The following DERL1 variants were observed in gnomAD, a reference collection of about 807,000 sequenced individuals.
DERL1 encodes derlin 1, also known as derlin-1.
Under a neutral mutation model 41.6 loss-of-function variants are expected in DERL1, and 24 were observed. That is an observed-to-expected ratio of 0.58 (90% confidence interval 0.42 to 0.81). The LOEUF is 0.81. Among genes scored for constraint, DERL1 ranks in the 30% least tolerant of loss-of-function variants. DERL1 has a pLI of 0.00. For synonymous variants in DERL1, 124 were observed against 112.5 expected (o/e 1.10, Z -0.65); for missense variants, 260 against 314.3 (o/e 0.83, Z 1.31).
In DERL1 at chr8:123,042,265, G is replaced by A; in HGVS notation, c.-143C>T. Reference sequence around the variant, plus strand: ...ATGCAGAAGGCGGAGACGGGCGGACGTGGCGCCACCGAATTCGGACCAGCG... The same window carrying A: ...ATGCAGAAGGCGGAGACGGGCGGACATGGCGCCACCGAATTCGGACCAGCG... On this transcript the variant is annotated 5_prime_UTR_variant, in exon 1 of 8. In the 5' UTR this introduces an upstream ATG that the reference lacks. Coordinates refer to ENST00000259512, the MANE Select transcript of DERL1 (RefSeq NM_024295.6). 1 of 1,152,118 alleles carries A rather than the reference G, an allele frequency of 8.7e-7. No individual in the cohort carries two copies. Among genetic ancestry groups the A allele is most frequent in the Non-Finnish European group, 1.2e-6 (1 of 864,236 alleles). The allele number at this position is 1,152,118 out of a possible 1,614,324, so 71.4% of individuals were successfully genotyped here.
At chr8:123,017,380 T>G (rs1814603912) in intron 7 of DERL1, 1 of 152,134 alleles carries the variant, frequency 6.6e-6, no homozygotes, top group Non-Finnish European at 1.5e-5. Context: ...AAGTACATAA[T>G]AAAATAGAAC....
intron 1 of DERL1, among the ~76,000 whole-genome samples, chr8:123,036,102 C>A (rs985002452): frequency 6.6e-6 from 1 of 151,948 alleles, no homozygotes; most frequent in Non-Finnish European, 1.5e-5. Flanking sequence ...CAATTAGAAG[C>A]CATCAAATCT....
At position 123,042,029 on chromosome 8, in the gene DERL1, CGA is replaced by C. The variant is rs1191854193; in HGVS notation, c.92_93del (p.Leu31ArgfsTer56). The stretch of plus-strand genomic sequence containing the variant: ...AAGAGGTAGGCCGGGCTGATGAGGC[CGA>C]GTTTGCCGACCAAGGGCACGGCGAC... The part of the protein sequence containing the change: ...ATVAVPLVGK[L>X]GLISPAYLFL... On this transcript the variant is annotated frameshift_variant, in exon 1 of 8. Coordinates refer to ENST00000259512, the MANE Select transcript of DERL1 (RefSeq NM_024295.6). LOFTEE classifies it high-confidence loss of function. The C allele has an allele frequency of 2.5e-6, 4 of 1,613,924 alleles. No homozygotes were observed. Among genetic ancestry groups the C allele is most frequent in the Admixed American group, 3.3e-5 (2 of 60,008 alleles).
In DERL1 at chr8:123,037,231, C is replaced by T. The variant is rs187448431; in HGVS notation, c.153+4739G>A. ...CAGGCTACTTATTGGGTATTACAAACATTTTTCTATGTGTTCTACATACTA... is the reference window on the plus strand; with the variant it reads ...CAGGCTACTTATTGGGTATTACAAATATTTTTCTATGTGTTCTACATACTA... On this transcript the variant is annotated intron_variant, in intron 1 of 7. Coordinates refer to ENST00000259512, the MANE Select transcript of DERL1 (RefSeq NM_024295.6). Among the ~76,000 whole-genome samples the T allele has an allele frequency of 2.0e-5, 3 of 152,256 alleles. No homozygotes were observed. The East Asian group carries it at 5.8e-4, about 29-fold the overall frequency.
Position 123,015,513 on chromosome 8 carries a change from A to T in DERL1, c.690T>A (p.Ala230=). The change falls in exon 8 of 8, where the codon GCT becomes GCA. Residue 230 remains alanine (A), a synonymous_variant. Coordinates refer to ENST00000259512, the MANE Select transcript of DERL1 (RefSeq NM_024295.6). ...TCCCGCCTCCGCCATTCTGATCAGC[A>T]GCTCGCCTCATGCTAGCAGGGGGCA... is the stretch of plus-strand genomic sequence containing the variant. ...FGVPPASMRR[A]ADQNGGGGRH... is the part of the protein sequence containing the mutation. The T allele has an allele frequency of 6.2e-7, 1 of 1,613,334 alleles. No homozygotes were observed. Among genetic ancestry groups the T allele is most frequent in the Non-Finnish European group, 8.5e-7 (1 of 1,179,720 alleles).
At chr8:123,032,341 C>T (rs185708508) in intron 1 of DERL1, among the ~76,000 whole-genome samples, 1 of 152,074 alleles carries the variant, frequency 6.6e-6, no homozygotes, top group Non-Finnish European at 1.5e-5. Context: ...CCTGATGTTG[C>T]CCAGGCTGGT....
intron 1 of DERL1, among the ~76,000 whole-genome samples, chr8:123,037,502 C>A (rs192739882): frequency 6.6e-6 from 1 of 152,248 alleles, no homozygotes; most frequent in Non-Finnish European, 1.5e-5. Context: ...AATAACTTGC[C>A]TAAGGGTACA....
At chr8:123,020,993 T>A (rs1489123960) in intron 6 of DERL1, among the ~76,000 whole-genome samples, 1 of 150,840 alleles carries the variant, frequency 6.6e-6, no homozygotes, top group Non-Finnish European at 1.5e-5. Context: ...AAGTTCTGTA[T>A]CATCAAACCA....
At chr8:123,037,936 G>A (rs982390621) in intron 1 of DERL1, among the ~76,000 whole-genome samples, 4 of 152,184 alleles carry the variant, frequency 2.6e-5, no homozygotes, top group African/African-American at 9.7e-5. Flanking sequence ...CTCTTGTGTA[G>A]TTAATCAACG....
intron 1 of DERL1, among the ~76,000 whole-genome samples, chr8:123,034,939 A>G (rs1812893281): frequency 1.3e-5 from 2 of 152,226 alleles, no homozygotes; most frequent in Non-Finnish European, 2.9e-5. Context: ...GGAATTAAGA[A>G]AGTGAATTAA....
chr8:123,021,779 C>G (rs183331093), intron 5 of DERL1, among the ~76,000 whole-genome samples: 1 of 152,172 alleles, frequency 6.6e-6, no homozygotes, highest in Non-Finnish European at 1.5e-5. Context: ...TATAAACAGA[C>G]AGCTTCAAAA....
intron 2 of DERL1, among the ~76,000 whole-genome samples, chr8:123,026,092 A>C (rs1452897387): frequency 6.6e-6 from 1 of 152,234 alleles, no homozygotes; most frequent in Non-Finnish European, 1.5e-5. Context: ...TCAATTTAAA[A>C]AAAGAAACCC....
chr8:123,037,897 G>T (rs1812961672), intron 1 of DERL1, among the ~76,000 whole-genome samples: 1 of 152,130 alleles, frequency 6.6e-6, no homozygotes, highest in African/African-American at 2.4e-5. Context: ...CATAACCTTA[G>T]AAAACACAAA....
At chr8:123,035,715 T>C (rs1390025774) in intron 1 of DERL1, among the ~76,000 whole-genome samples, 1 of 152,230 alleles carries the variant, frequency 6.6e-6, no homozygotes, top group Non-Finnish European at 1.5e-5. Context: ...TGCTCACTGC[T>C]ATATACACCC....
In DERL1 at chr8:123,038,511, A is replaced by G. The variant is rs554651195; in HGVS notation, c.153+3459T>C. The stretch of plus-strand genomic sequence containing the variant: ...GAAGAAATAATACAGGGAAGATGAC[A>G]AAATTGTGGAAGATGTGACAAGAAC... On this transcript the variant is annotated intron_variant, in intron 1 of 7. Transcript: ENST00000259512. Among the ~76,000 whole-genome samples the G allele has an allele frequency of 5.9e-5, 9 of 152,368 alleles. No individual in the cohort carries two copies. In the East Asian group the frequency reaches 1.3e-3, roughly 23 times the overall value.
At chr8:123,030,436 A>C (rs1812797532) in intron 2 of DERL1, 169 bp downstream of exon 2, 1 of 520,152 alleles carries the variant, frequency 1.9e-6, no homozygotes, top group Non-Finnish European at 3.4e-6. Flanking sequence ...AGGATTAAAA[A>C]TTGAGTAAGC....
At chr8:123,030,462 G>A (rs964200844) in intron 2 of DERL1, 143 bp downstream of exon 2, 5 of 599,496 alleles carry the variant, frequency 8.3e-6, no homozygotes, top group Non-Finnish European at 8.7e-6. Context: ...GCCTGGTGCA[G>A]TCCTGGCACA....
intron 5 of DERL1, among the ~76,000 whole-genome samples, chr8:123,021,797 G>A (rs1812551986): frequency 2.0e-5 from 3 of 152,184 alleles, no homozygotes; most frequent in Admixed American, 1.3e-4. Context: ...AAAAGCAGAT[G>A]AGTGTCCTAC....
In DERL1 at chr8:123,042,190, G is replaced by C. The variant is rs1440784076; in HGVS notation, c.-68C>G. On this transcript the variant is annotated 5_prime_UTR_variant, in exon 1 of 8. Coordinates refer to ENST00000259512, the MANE Select transcript of DERL1 (RefSeq NM_024295.6). ...CCCCGTGCCGACCCCCTCACGACGC[G>C]GCCGGCTCCGCGACTGTTAGGTGTC... 40 of 1,497,116 alleles carry C rather than the reference G, an allele frequency of 2.7e-5. No individual in the cohort carries two copies. The highest frequency in any genetic ancestry group is 3.6e-5 in the Non-Finnish European group (40 of 1,118,614). 92.7% of individuals were successfully genotyped at this position (1,497,116 alleles called of 1,614,324 possible).
Sources: gnomAD v4.1 joint callset for allele counts (sites outside exome capture counted in the v4.1 genomes callset) on GRCh38, gnomAD v4.1.1 for gene constraint, MANE v1.5 for transcripts, NCBI Gene and HGNC (gene_info 2026-07-23, HGNC 2026-07-21) for gene names.